Variants in AVL9 observed in about 807,000 individuals in gnomAD.
AVL9 encodes the protein AVL9 cell migration associated.
Under a neutral mutation model 79.2 loss-of-function variants are expected in AVL9, and 49 were observed. The observed-to-expected ratio is 0.62, with a 90% confidence interval of 0.49 to 0.79. AVL9 has a LOEUF of 0.79. AVL9 is among the 30% of genes least tolerant of loss of function. The pLI, the probability that AVL9 is intolerant of heterozygous loss-of-function variation, is 0.00. For missense variants in AVL9, 682 were observed against 776.8 expected, an observed-to-expected ratio of 0.88 and a Z score of 1.45; for synonymous variants, 299 against 280.6, an observed-to-expected ratio of 1.07 and a Z score of -0.65.
At chr7:32,550,494 A>G (rs1309957096) in intron 4 of AVL9, among the ~76,000 whole-genome samples, 1 of 152,176 alleles carries the variant, frequency 6.6e-6, no homozygotes, top group Non-Finnish European at 1.5e-5. Flanking sequence ...ATAAATATAA[A>G]TGATTTTATA....
chr7:32,546,082 TTA>T (rs1491477932), intron 3 of AVL9, among the ~76,000 whole-genome samples: 5 of 143,938 alleles, frequency 3.5e-5, no homozygotes, highest in Non-Finnish European at 7.7e-5. Flanking sequence ...TTTTTTTTTT[TTA>T]AATATCTGTA....
chr7:32,542,886 C>G (rs1378224480), intron 1 of AVL9, among the ~76,000 whole-genome samples: 1 of 152,144 alleles, frequency 6.6e-6, no homozygotes, highest in Admixed American at 6.5e-5. Flanking sequence ...ATCACCAACC[C>G]CACTACCATT....
At chr7:32,561,784 C>T (rs1790344969) in intron 10 of AVL9, among the ~76,000 whole-genome samples, 1 of 152,208 alleles carries the variant, frequency 6.6e-6, no homozygotes. Context: ...ACATGCCTTC[C>T]TTACTAAACT....
At chr7:32,524,567 A>G (rs1788320326) in intron 1 of AVL9, among the ~76,000 whole-genome samples, 1 of 151,932 alleles carries the variant, frequency 6.6e-6, no homozygotes, top group South Asian at 2.1e-4. Context: ...CAGAGAGAAA[A>G]GAAAATGGGT....
At chr7:32,566,537 AAAT>A (rs1790576511) in intron 10 of AVL9, among the ~76,000 whole-genome samples, 2 of 186 alleles carry the variant, frequency 0.011, no homozygotes, top group African/African-American at 0.042. Context: ...AATAGTATAT[AAAT>A]ACTAATATTT....
chr7:32,570,288 T>G, intron 11 of AVL9, 134 bp downstream of exon 11: 1 of 1,229,696 alleles, frequency 8.1e-7, no homozygotes, highest in Admixed American at 2.0e-5. Context: ...ATTCTAAGTA[T>G]TTTATGTGTA....
intron 1 of AVL9, among the ~76,000 whole-genome samples, chr7:32,521,228 G>A (rs536287077): frequency 6.6e-6 from 1 of 152,318 alleles, no homozygotes; most frequent in African/African-American, 2.4e-5. Flanking sequence ...AAGCGACTTT[G>A]GAACTGGGTA....
At chr7:32,520,941 C>T (rs1006383717) in intron 1 of AVL9, among the ~76,000 whole-genome samples, 5 of 152,092 alleles carry the variant, frequency 3.3e-5, no homozygotes, top group Middle Eastern at 3.2e-3. Context: ...ATGCTATTCT[C>T]GTGATAGTGA....
intron 3 of AVL9, among the ~76,000 whole-genome samples, chr7:32,546,129 G>A (rs113562297): frequency 0.017 from 2,479 of 141,754 alleles, 68 homozygotes; most frequent in African/African-American, 0.061. Flanking sequence ...AATTAGAATC[G>A]CTGGGATTTG....
chr7:32,580,740 T>G (rs1791459092), intron 14 of AVL9, 62 bp from the exon 15 acceptor site: 5 of 1,119,452 alleles, frequency 4.5e-6, no homozygotes, highest in Middle Eastern at 2.0e-4. Flanking sequence ...TGTGTCTGTG[T>G]GCGTGTGTGA....
chr7:32,569,908 G>C, intron 10 of AVL9, 112 bp from the exon 11 acceptor site: 1 of 1,016,754 alleles, frequency 9.8e-7, no homozygotes. Flanking sequence ...CTGACTTACA[G>C]ACAGGGCAAG....
At chr7:32,518,790 T>C (rs983734949) in intron 1 of AVL9, among the ~76,000 whole-genome samples, 3 of 152,194 alleles carry the variant, frequency 2.0e-5, no homozygotes, top group African/African-American at 7.2e-5. Context: ...AAATGTTATG[T>C]GATTAATTGA....
In AVL9 at chr7:32,497,048, C is replaced by G. The variant is rs184865052; in HGVS notation, c.93+1246C>G. 5.8e-3 allele frequency among the ~76,000 whole-genome samples: 879 copies of G among 152,360 alleles called. 10 individuals are homozygous for G. Among genetic ancestry groups the G allele is most frequent in the African/African-American group, 0.02 (822 of 41,582 alleles). Reference sequence around the variant, plus strand: ...CCAGGAGGCTGAGGCTACAGTGACCCTTGATCCCACCACTGCACTCCAGCC... The same window carrying G: ...CCAGGAGGCTGAGGCTACAGTGACCGTTGATCCCACCACTGCACTCCAGCC... On this transcript the variant is annotated intron_variant, in intron 1 of 15. Transcript: ENST00000318709.
At position 32,587,298 on chromosome 7, in the gene AVL9, A is replaced by T. The variant is rs1394402837; in HGVS notation, c.*3391A>T. On this transcript the variant is annotated 3_prime_UTR_variant, in exon 16 of 16. Coordinates refer to ENST00000318709, the MANE Select transcript of AVL9 (RefSeq NM_015060.3). Reference sequence around the variant, plus strand: ...TGCTAAGGGTTATAAGAATTCTTTTAGAAAGGGATTAGAATTTTACTCTGC... The same window carrying T: ...TGCTAAGGGTTATAAGAATTCTTTTTGAAAGGGATTAGAATTTTACTCTGC... The T allele has an allele frequency of 6.6e-6, 1 of 152,232 alleles. No individual in the cohort carries two copies. Among genetic ancestry groups the T allele is most frequent in the Admixed American group, 6.5e-5 (1 of 15,280 alleles). The allele number at this position is 152,232 out of a possible 1,614,324, so 9.4% of individuals were successfully genotyped here. A position where few individuals can be genotyped will look rare whatever the true frequency, so the allele number is the denominator to read the frequency against.
In AVL9 at chr7:32,519,150, C is replaced by T. The variant is rs1285320815; in HGVS notation, c.93+23348C>T. Among the ~76,000 whole-genome samples the T allele has an allele frequency of 2.6e-5, 4 of 152,134 alleles. No individual in the cohort carries two copies. In the South Asian group the frequency reaches 6.2e-4, roughly 24 times the overall value. Reference sequence around the variant, plus strand: ...ACTTAAAGAAATGTAAGGGCTTGGCCGGGCATGGTGGCTCACGCCTGTAAC... The same window carrying T: ...ACTTAAAGAAATGTAAGGGCTTGGCTGGGCATGGTGGCTCACGCCTGTAAC... On this transcript the variant is annotated intron_variant, in intron 1 of 15. Transcript: ENST00000318709.
At chr7:32,509,686 C>T in intron 1 of AVL9, among the ~76,000 whole-genome samples, 1 of 152,022 alleles carries the variant, frequency 6.6e-6, no homozygotes, top group East Asian at 1.9e-4. Context: ...CCCATCTCTA[C>T]TAAAAATACA....
At chr7:32,520,388 T>C (rs893289431) in intron 1 of AVL9, among the ~76,000 whole-genome samples, 1 of 152,238 alleles carries the variant, frequency 6.6e-6, no homozygotes, top group Non-Finnish European at 1.5e-5. Flanking sequence ...AGCTTGTTTG[T>C]ATTGATGCAC....
intron 1 of AVL9, among the ~76,000 whole-genome samples, chr7:32,506,398 A>G (rs1362487550): frequency 6.6e-6 from 1 of 152,152 alleles, no homozygotes; most frequent in Non-Finnish European, 1.5e-5. Context: ...TCCGATAACT[A>G]AGATGGCTGT....
chr7:32,495,607 G>A lies in AVL9; in HGVS notation c.-103G>A. 1.4e-6 allele frequency: 1 copy of A among 703,592 alleles called. No homozygotes were observed. 43.6% of individuals were successfully genotyped at this position (703,592 alleles called of 1,614,324 possible). On this transcript the variant is annotated 5_prime_UTR_variant, in exon 1 of 16. Coordinates refer to ENST00000318709, the MANE Select transcript of AVL9 (RefSeq NM_015060.3). ...TCCCTGTGCGGCCCTCATGTGCTGT[G>A]CTCGCTGACACCCGAAGTCCGCGGC...
Sources: allele counts gnomAD v4.1 joint callset (sites outside exome capture counted in the v4.1 genomes callset), GRCh38; gene constraint gnomAD v4.1.1; transcripts MANE v1.5; gene names NCBI Gene and HGNC (gene_info 2026-07-23, HGNC 2026-07-21).